The following VPS36 variants were observed in gnomAD, a reference collection of about 807,000 sequenced individuals.
The protein encoded by VPS36 is vacuolar protein sorting 36 homolog.
Under a neutral mutation model 63.5 loss-of-function variants are expected in VPS36, and 31 were observed. The ratio of observed to expected loss-of-function variants is 0.49; its 90% confidence interval spans 0.37 to 0.66. The LOEUF (loss-of-function observed/expected upper bound fraction) is 0.66. VPS36 is among the 30% of genes least tolerant of loss of function. The pLI is 0.00. For synonymous variants in VPS36, 138 were observed against 157.2 expected (o/e 0.88, Z 0.91); for missense variants, 338 against 463.7 (o/e 0.73, Z 2.49).
intron 6 of VPS36, among the ~76,000 whole-genome samples, chr13:52,432,327 G>T (rs1448957116): frequency 2.0e-5 from 3 of 151,802 alleles, no homozygotes. Flanking sequence ...CTCCAGCCTG[G>T]GCGACAGAGC....
At chr13:52,441,608 C>T (rs1238741706) in intron 2 of VPS36, among the ~76,000 whole-genome samples, 5 of 152,124 alleles carry the variant, frequency 3.3e-5, no homozygotes, top group African/African-American at 7.2e-5. Context: ...AAAAATTAGC[C>T]GGGCGTGGTG....
intron 10 of VPS36, among the ~76,000 whole-genome samples, chr13:52,422,203 G>T (rs1958054046): frequency 6.6e-6 from 1 of 152,076 alleles, no homozygotes; most frequent in Non-Finnish European, 1.5e-5. Context: ...ACATGAGTGA[G>T]AACATGCAAT....
At position 52,423,711 on chromosome 13, in the gene VPS36, C is replaced by A. The variant is rs1270338261; in HGVS notation, c.775-72G>T. On this transcript the variant is annotated intron_variant, in intron 9 of 13. Coordinates refer to ENST00000378060, the MANE Select transcript of VPS36 (RefSeq NM_016075.4). ...CCAGTTAGCATTTCTTAACAGAAAT[C>A]ATAATCACAGTGAAATCAGAAATCA... 1.1e-5 allele frequency: 15 copies of A among 1,359,796 alleles called. No individual in the cohort carries two copies. The East Asian group carries it at 1.2e-4, about 10-fold the overall frequency. The allele number at this position is 1,359,796 out of a possible 1,614,324, so 84.2% of individuals were successfully genotyped here.
intron 1 of VPS36, among the ~76,000 whole-genome samples, chr13:52,448,049 C>T (rs933812787): frequency 9.2e-5 from 14 of 151,936 alleles, no homozygotes; most frequent in South Asian, 4.1e-4. Flanking sequence ...TTTAATTATT[C>T]GGGTTTAAAA....
chr13:52,429,408 C>G, intron 6 of VPS36: 1 of 574,412 alleles, frequency 1.7e-6, no homozygotes, highest in South Asian at 7.6e-5. Flanking sequence ...TTCCATATTC[C>G]TGCTGCTAGC....
rs543583677 is a variant in VPS36, at chr13:52,438,287, TAAAAATCTATGGCTTAAA to T, written c.236+793_236+810del. Among the ~76,000 whole-genome samples, 6 of 152,248 alleles carry T rather than the reference TAAAAATCTATGGCTTAAA, an allele frequency of 3.9e-5. No homozygotes were observed. In the South Asian group the frequency reaches 8.3e-4, roughly 21 times the overall value. On this transcript the variant is annotated intron_variant, in intron 3 of 13. Coordinates refer to ENST00000378060, the MANE Select transcript of VPS36 (RefSeq NM_016075.4). ...TATAAATCATAAGAACAACCTACCC[TAAAAATCTATGGCTTAAA>T]AAAAATCTATGGCTTATTAATCTTT...
intron 8 of VPS36, 62 bp downstream of exon 8, chr13:52,426,927 C>T: frequency 8.7e-7 from 1 of 1,154,654 alleles, no homozygotes; most frequent in Non-Finnish European, 1.3e-6. Context: ...ATGTAAACCA[C>T]AAAAACCTTA....
At chr13:52,450,460 CT>C in intron 1 of VPS36, 38 bp downstream of exon 1, 1 of 1,568,104 alleles carries the variant, frequency 6.4e-7, no homozygotes, top group Admixed American at 1.8e-5. Context: ...CCGGGGGTCC[CT>C]TCCGCCAGCC....
intron 7 of VPS36, 24 bp from the exon 8 acceptor site, chr13:52,427,090 G>A (rs759669127): frequency 1.2e-6 from 2 of 1,604,858 alleles, no homozygotes; most frequent in East Asian, 4.5e-5. Flanking sequence ...AGTAAAGACT[G>A]AAAAGCACTA....
At chr13:52,416,516 G>C (rs1433272264) in intron 12 of VPS36, among the ~76,000 whole-genome samples, 1 of 152,178 alleles carries the variant, frequency 6.6e-6, no homozygotes, top group Non-Finnish European at 1.5e-5. Flanking sequence ...AGTTGAAAAT[G>C]AGAAGGATAA....
chr13:52,431,987 T>C lies in VPS36; in HGVS notation c.528+1675A>G, dbSNP rs9526917. Among the ~76,000 whole-genome samples, 1,099 of 152,206 alleles carry C rather than the reference T, an allele frequency of 7.2e-3. 4 individuals are homozygous for C. Among genetic ancestry groups the C allele is most frequent in the Non-Finnish European group, 0.012 (840 of 68,016 alleles). The stretch of plus-strand genomic sequence containing the variant: ...GGGACAATTTGAGCTTCAAATAGGA[T>C]AATAATTATAACTGATTGAAATCCA... On this transcript the variant is annotated intron_variant, in intron 6 of 13. Coordinates refer to ENST00000378060, the MANE Select transcript of VPS36 (RefSeq NM_016075.4).
chr13:52,418,241 T>C (rs568796695), intron 10 of VPS36, among the ~76,000 whole-genome samples, 185 bp from the exon 11 acceptor site: 1 of 151,928 alleles, frequency 6.6e-6, no homozygotes, highest in Non-Finnish European at 1.5e-5. Flanking sequence ...AAAATATGCA[T>C]GCCACATATG....
rs2137764689 is a variant in VPS36 at position 52,414,299 on chromosome 13, T to C, written c.*1531A>G. On this transcript the variant is annotated 3_prime_UTR_variant, in exon 14 of 14. Transcript: ENST00000378060. ...ATGGTCCAACTAACCCCTAAAAGAC[T>C]TGGGCAGTCAGACACTGAGTTACCC... 6.6e-6 allele frequency: 1 copy of C among 152,254 alleles called. No homozygotes were observed. The allele number at this position is 152,254 out of a possible 1,614,324, so 9.4% of individuals were successfully genotyped here.
chr13:52,449,780 CTTCT>C (rs1958381045), intron 1 of VPS36, among the ~76,000 whole-genome samples: 3 of 152,198 alleles, frequency 2.0e-5, no homozygotes, highest in African/African-American at 2.4e-5. Context: ...GCAAACGCAC[CTTCT>C]AAGATTTATG....
chr13:52,442,007 T>C (rs1448045643), intron 2 of VPS36, among the ~76,000 whole-genome samples: 1 of 152,186 alleles, frequency 6.6e-6, no homozygotes, highest in East Asian at 1.9e-4. Flanking sequence ...AAAAACATGA[T>C]TCTCCATCCA....
chr13:52,443,314 CAT>C (rs1226134863), intron 1 of VPS36, among the ~76,000 whole-genome samples: 1 of 152,152 alleles, frequency 6.6e-6, no homozygotes, highest in Non-Finnish European at 1.5e-5. Flanking sequence ...CCCCCAAATT[CAT>C]ATGTTGAAGC....
chr13:52,426,843 A>C, intron 8 of VPS36, 146 bp downstream of exon 8: 2 of 550,878 alleles, frequency 3.6e-6, no homozygotes, highest in Non-Finnish European at 6.0e-6. Context: ...CGACGGAGCG[A>C]CACTCCGTCT....
chr13:52,439,347 G>T (rs1958250344), intron 2 of VPS36, among the ~76,000 whole-genome samples, 179 bp from the exon 3 acceptor site: 1 of 152,146 alleles, frequency 6.6e-6, no homozygotes, highest in Non-Finnish European at 1.5e-5. Context: ...ACAGTAATGT[G>T]GTGGCATTTG....
chr13:52,443,268 T>C (rs1958299331), intron 1 of VPS36, among the ~76,000 whole-genome samples: 1 of 152,198 alleles, frequency 6.6e-6, no homozygotes, highest in African/African-American at 2.4e-5. Flanking sequence ...AAGACCTTTC[T>C]AAGAAGGCAT....
Sources: allele counts gnomAD v4.1 joint callset (sites outside exome capture counted in the v4.1 genomes callset), GRCh38; gene constraint gnomAD v4.1.1; transcripts MANE v1.5; gene names NCBI Gene and HGNC (gene_info 2026-07-23, HGNC 2026-07-21).